The following JAKMIP2 variants were observed in gnomAD, a reference collection of about 807,000 sequenced individuals.
The protein encoded by JAKMIP2 is janus kinase and microtubule-interacting protein 2.
In JAKMIP2, 25 loss-of-function variants were observed where a neutral mutation model predicts 115.0. The observed-to-expected ratio is 0.22, with a 90% CI of 0.16 to 0.30. The LOEUF (loss-of-function observed/expected upper bound fraction) is 0.30, where lower values mean the gene tolerates loss of function less well. Among genes scored for constraint, JAKMIP2 ranks in the 10% least tolerant of loss-of-function variants. The pLI is 1.00. For synonymous variants in JAKMIP2, 334 were observed against 343.6 expected, an observed-to-expected ratio of 0.97 and a Z score of 0.31; for missense variants, 642 against 957.6, an observed-to-expected ratio of 0.67 and a Z score of 4.35.
chr5:147,677,384 G>T (rs1047464507), intron 1 of JAKMIP2, among the ~76,000 whole-genome samples: 1 of 152,168 alleles, frequency 6.6e-6, no homozygotes, highest in Non-Finnish European at 1.5e-5. Context: ...GATAACTCAA[G>T]TTCTACACTT....
chr5:147,595,560 T>G, intron 21 of JAKMIP2: 2 of 454,666 alleles, frequency 4.4e-6, no homozygotes, highest in Non-Finnish European at 4.4e-6. Flanking sequence ...ACATTACTAT[T>G]ACTCATAAAT....
chr5:147,675,949 T>G (rs1759926200), intron 1 of JAKMIP2, among the ~76,000 whole-genome samples: 1 of 152,180 alleles, frequency 6.6e-6, no homozygotes, highest in African/African-American at 2.4e-5. Context: ...GCCTGATGGA[T>G]TCTCTTGCTG....
At chr5:147,686,538 C>T (rs1760581078) in intron 1 of JAKMIP2, among the ~76,000 whole-genome samples, 1 of 152,118 alleles carries the variant, frequency 6.6e-6, no homozygotes, top group Admixed American at 6.6e-5. Flanking sequence ...ACCACTGTAT[C>T]CGCAGTGCTT....
At chr5:147,653,469 G>T (rs7703833) in intron 3 of JAKMIP2, among the ~76,000 whole-genome samples, 3,653 of 151,806 alleles carry the variant, frequency 0.024, 166 homozygotes, top group African/African-American at 0.084. Flanking sequence ...CAGAGATGAT[G>T]AGCTTTTTTT....
intron 1 of JAKMIP2, among the ~76,000 whole-genome samples, chr5:147,685,821 G>T (rs1359235002): frequency 6.6e-6 from 1 of 152,162 alleles, no homozygotes; most frequent in Non-Finnish European, 1.5e-5. Flanking sequence ...AATGGCAGAT[G>T]ATCAGAGATC....
chr5:147,630,604 T>G (rs1757310533), intron 14 of JAKMIP2, among the ~76,000 whole-genome samples: 1 of 152,216 alleles, frequency 6.6e-6, no homozygotes, highest in Non-Finnish European at 1.5e-5. Flanking sequence ...AACAGCAGTA[T>G]AGTAGAGCCC....
At chr5:147,729,433 A>G (rs1226312224) in intron 1 of JAKMIP2, among the ~76,000 whole-genome samples, 4 of 152,116 alleles carry the variant, frequency 2.6e-5, no homozygotes, top group East Asian at 1.9e-4. Context: ...TCTCTAAACC[A>G]TTATAATTTC....
chr5:147,769,387 A>G (rs1755267355), intron 1 of JAKMIP2, among the ~76,000 whole-genome samples: 1 of 152,178 alleles, frequency 6.6e-6, no homozygotes, highest in Non-Finnish European at 1.5e-5. Flanking sequence ...CTAAAGGGAA[A>G]AAGCTCAGAA....
At chr5:147,746,171 C>T (rs1222197232) in intron 1 of JAKMIP2, among the ~76,000 whole-genome samples, 5 of 152,092 alleles carry the variant, frequency 3.3e-5, no homozygotes, top group Admixed American at 3.3e-4. Flanking sequence ...TCAGACTCAG[C>T]CAGAGGAAAT....
At chr5:147,724,695 A>C (rs1753447533) in intron 1 of JAKMIP2, among the ~76,000 whole-genome samples, 1 of 152,222 alleles carries the variant, frequency 6.6e-6, no homozygotes. Flanking sequence ...GTGATATAGA[A>C]GGAAGATCTT....
chr5:147,690,539 TTATATA>T (rs58086292), intron 1 of JAKMIP2, among the ~76,000 whole-genome samples: 14,082 of 90,206 alleles, frequency 0.16, 1,199 homozygotes, highest in Non-Finnish European at 0.2. Flanking sequence ...ACTAAAGAGA[TTATATA>T]TATATATATA....
chr5:147,713,849 A>G (rs1167494714), intron 1 of JAKMIP2, among the ~76,000 whole-genome samples: 1 of 152,186 alleles, frequency 6.6e-6, no homozygotes, highest in African/African-American at 2.4e-5. Flanking sequence ...CTGGGACTTC[A>G]GAGTGCCACA....
At chr5:147,743,248 C>T (rs958754864) in intron 1 of JAKMIP2, among the ~76,000 whole-genome samples, 2 of 152,210 alleles carry the variant, frequency 1.3e-5, no homozygotes, top group Non-Finnish European at 2.9e-5. Context: ...CCAATGATCA[C>T]TCTCACACGC....
At chr5:147,765,020 CAGAG>C (rs1296622120) in intron 1 of JAKMIP2, among the ~76,000 whole-genome samples, 391 of 30,476 alleles carry the variant, frequency 0.013, 15 homozygotes, top group African/African-American at 0.049. Context: ...GAAAGGGAGA[CAGAG>C]AGAGAGAGAA....
rs199747312 is a variant in JAKMIP2, at chr5:147,640,781, T to A, written c.1324A>T (p.Met442Leu). 1.2e-6 allele frequency: 2 copies of A among 1,613,436 alleles called. No individual in the cohort carries two copies. Among genetic ancestry groups the A allele is most frequent in the African/African-American group, 2.7e-5 (2 of 75,006 alleles). ...GCCATGGATGATGTCTCTGAATCCA[T>A]AGAGTCCTCATCATAGCCAATAAAC... is the stretch of plus-strand genomic sequence containing the variant. Reference protein sequence around the residue: ...DPFIGYDEDSMDSETSSMASF... With the variant: ...DPFIGYDEDSLDSETSSMASF... The change falls in exon 9 of 22, where the codon ATG becomes TTG. Residue 442 changes from methionine to leucine, a missense_variant. Transcript: ENST00000616793.
intron 1 of JAKMIP2, among the ~76,000 whole-genome samples, chr5:147,702,563 AGAAAGAAAGAAAGAAG>A (rs1561547149): frequency 2.7e-4 from 32 of 119,314 alleles, no homozygotes; most frequent in African/African-American, 9.5e-4. Flanking sequence ...GAAGAAAGAA[AGAAAGAAAGAAAGAAG>A]GAAAGAAAGA....
At chr5:147,599,913 T>C (rs1297356126) in intron 21 of JAKMIP2, among the ~76,000 whole-genome samples, 4 of 152,094 alleles carry the variant, frequency 2.6e-5, no homozygotes, top group Non-Finnish European at 4.4e-5. Context: ...AATGTATCTA[T>C]TACTTAGAAC....
chr5:147,671,799 T>C lies in JAKMIP2; in HGVS notation c.8A>G (p.Lys3Arg). The C allele has an allele frequency of 1.3e-6, 2 of 1,573,700 alleles. No individual in the cohort carries two copies. The highest frequency in any genetic ancestry group is 1.7e-6 in the Non-Finnish European group (2 of 1,161,268). ...CTTCTCGCCCTTATTTCGCCCTTTC[T>C]TGGACATTGTTCCTTTCTAAATGGA... The part of the protein sequence containing the change: MS[K>R]KGRNKGEKPE... Residue 3 changes from lysine to arginine, a missense_variant, in exon 2 of 22, where the codon AAG (lysine) becomes AGG (arginine). Around this residue, in one of 6 missense-constraint regions of JAKMIP2, gnomAD observed 439 missense variants for 570.9 expected, o/e 0.77. Coordinates refer to ENST00000616793, the MANE Select transcript of JAKMIP2 (RefSeq NM_001270941.2).
At position 147,586,558 on chromosome 5, in the gene JAKMIP2, A is replaced by T. The variant is rs1016963358; in HGVS notation, c.*5149T>A. 3 of 152,120 alleles carry T rather than the reference A, an allele frequency of 2.0e-5. No individual in the cohort carries two copies. The highest frequency in any genetic ancestry group is 4.8e-5 in the African/African-American group (2 of 41,408). 9.4% of individuals were successfully genotyped at this position (152,120 alleles called of 1,614,324 possible). ...ATTCTCACCCTACAGAACTTTGCAT[A>T]TAACAAGGATGAAAATATAAGCATG... is the stretch of plus-strand genomic sequence containing the variant. On this transcript the variant is annotated 3_prime_UTR_variant, in exon 22 of 22. Coordinates refer to ENST00000616793, the MANE Select transcript of JAKMIP2 (RefSeq NM_001270941.2).
Sources: allele counts gnomAD v4.1 joint callset (sites outside exome capture counted in the v4.1 genomes callset), GRCh38; gene constraint gnomAD v4.1.1; regional missense constraint gnomAD v4.1.1; transcripts MANE v1.5; gene names NCBI Gene and HGNC (gene_info 2026-07-23, HGNC 2026-07-21).